The following TFDP1 variants were observed in gnomAD, a reference collection of about 807,000 sequenced individuals.
The protein encoded by TFDP1 is DRTF1-polypeptide 1.
In TFDP1, 6 loss-of-function variants were observed where a neutral mutation model predicts 48.0. The observed-to-expected ratio is 0.13, with a 90% CI of 0.07 to 0.25. The LOEUF (loss-of-function observed/expected upper bound fraction) is 0.25, where lower values mean the gene tolerates loss of function less well. Among genes scored for constraint, TFDP1 ranks in the 10% least tolerant of loss-of-function variants. The probability of loss-of-function intolerance (pLI) is 1.00; values close to 1 mark genes in which losing one functional copy is unlikely to be tolerated. For missense variants in TFDP1, 335 were observed against 543.0 expected, an observed-to-expected ratio of 0.62 and a Z score of 3.81; for synonymous variants, 201 against 211.6, an observed-to-expected ratio of 0.95 and a Z score of 0.44.
intron 10 of TFDP1, chr13:113,637,601 G>A (rs2049525649): frequency 6.5e-7 from 1 of 1,527,048 alleles, no homozygotes; most frequent in Non-Finnish European, 8.8e-7. Context: ...TTATTGCAAG[G>A]CTGTTCTTGC....
intron 4 of TFDP1, among the ~76,000 whole-genome samples, chr13:113,630,993 C>T (rs2049321462): frequency 6.6e-6 from 1 of 152,188 alleles, no homozygotes; most frequent in South Asian, 2.1e-4. Context: ...GCCCTCCCTC[C>T]TTGCCTGACG....
At chr13:113,626,956 T>G (rs916528974) in intron 4 of TFDP1, among the ~76,000 whole-genome samples, 1 of 152,250 alleles carries the variant, frequency 6.6e-6, no homozygotes, top group Non-Finnish European at 1.5e-5. Flanking sequence ...GATTATCTTA[T>G]TGATGTGCTT....
chr13:113,631,298 C>T (rs1356988966), intron 4 of TFDP1, among the ~76,000 whole-genome samples: 5 of 152,322 alleles, frequency 3.3e-5, no homozygotes, highest in South Asian at 2.1e-4. Context: ...TGACCGTTAG[C>T]GCCTTGTGTG....
intron 2 of TFDP1, among the ~76,000 whole-genome samples, chr13:113,608,135 T>TG (rs991531510): frequency 4.6e-5 from 7 of 152,134 alleles, no homozygotes; most frequent in African/African-American, 9.7e-5. Flanking sequence ...CCGCTCTTCC[T>TG]GGGGGTCTTC....
intron 2 of TFDP1, among the ~76,000 whole-genome samples, chr13:113,600,915 C>T (rs548831306): frequency 1.3e-5 from 2 of 149,896 alleles, no homozygotes; most frequent in East Asian, 4.0e-4. Flanking sequence ...AGAGAATCCT[C>T]GCACGTGGGG....
intron 4 of TFDP1, among the ~76,000 whole-genome samples, chr13:113,626,033 C>T (rs963983555): frequency 1.3e-5 from 2 of 149,250 alleles, no homozygotes; most frequent in Non-Finnish European, 3.0e-5. Context: ...TCAGGTGTCT[C>T]TCACGCGTCC....
At chr13:113,624,577 A>C (rs375514527) in intron 4 of TFDP1, among the ~76,000 whole-genome samples, 1 of 105,542 alleles carries the variant, frequency 9.5e-6, no homozygotes, top group Admixed American at 1.0e-4. Flanking sequence ...CTCTCAGGGT[A>C]TCTCTCACAT....
intron 2 of TFDP1, among the ~76,000 whole-genome samples, chr13:113,592,246 C>T (rs1222664740): frequency 1.3e-5 from 2 of 152,248 alleles, no homozygotes; most frequent in Non-Finnish European, 2.9e-5. Context: ...ACCTCTGTCT[C>T]CCGGGTTCAA....
At chr13:113,586,472 A>G (rs1296752396) in intron 2 of TFDP1, among the ~76,000 whole-genome samples, 4 of 152,186 alleles carry the variant, frequency 2.6e-5, no homozygotes, top group Admixed American at 6.5e-5. Flanking sequence ...AATTTAGTCT[A>G]TTTTATTGGT....
chr13:113,617,686 A>AGCC (rs2048897600), intron 3 of TFDP1, among the ~76,000 whole-genome samples: 2 of 135,990 alleles, frequency 1.5e-5, no homozygotes, highest in East Asian at 2.4e-4. Context: ...TCACCTGCAG[A>AGCC]GCTGCTCACC....
intron 9 of TFDP1, 111 bp downstream of exon 9, chr13:113,636,239 G>T: frequency 7.1e-7 from 1 of 1,414,088 alleles, no homozygotes; most frequent in Non-Finnish European, 9.7e-7. Flanking sequence ...AATAGCAAAT[G>T]TTGCACAAAT....
At chr13:113,619,339 C>CAGGT (rs1172995577) in intron 3 of TFDP1, among the ~76,000 whole-genome samples, 1 of 152,040 alleles carries the variant, frequency 6.6e-6, no homozygotes, top group Non-Finnish European at 1.5e-5. Flanking sequence ...AGTGTGGTGG[C>CAGGT]AGGTGCCTGT....
At chr13:113,586,822 G>T (rs1436602184) in intron 2 of TFDP1, among the ~76,000 whole-genome samples, 1 of 152,232 alleles carries the variant, frequency 6.6e-6, no homozygotes, top group Admixed American at 6.5e-5. Context: ...GAGAGGGTGT[G>T]TGAGCACCCA....
chr13:113,637,881 C>T lies in TFDP1; in HGVS notation c.1070C>T (p.Thr357Ile). 1 of 1,613,648 alleles carries T rather than the reference C, an allele frequency of 6.2e-7. No individual in the cohort carries two copies. Among genetic ancestry groups the T allele is most frequent in the Non-Finnish European group, 8.5e-7 (1 of 1,179,980 alleles). Residue 357 changes from threonine to isoleucine, a missense_variant, in exon 11 of 12, where the codon ACA becomes ATA. Around this residue, in one of 3 missense-constraint regions of TFDP1, gnomAD observed 204 missense variants for 287.1 expected, o/e 0.71. Transcript: ENST00000375370. The part of the protein sequence containing the change: ...ITTAGSTSNG[T>I]RFSASDLTNG... The stretch of plus-strand genomic sequence containing the variant: ...ACGGCAGGTTCCACGTCTAACGGCA[C>T]AAGGTTCTCTGCCAGGTGACAGTCG...
chr13:113,590,978 C>T (rs1421950081), intron 2 of TFDP1, among the ~76,000 whole-genome samples: 1 of 136,810 alleles, frequency 7.3e-6, no homozygotes, highest in Non-Finnish European at 1.5e-5. Flanking sequence ...CCACTGCACT[C>T]CAGCCTGGGC....
chr13:113,630,155 GCACACACACA>G (rs3076650), intron 4 of TFDP1, among the ~76,000 whole-genome samples: 2 of 149,110 alleles, frequency 1.3e-5, no homozygotes, highest in Non-Finnish European at 3.0e-5. Context: ...TGCCCCAGCA[GCACACACACA>G]CACACACACA....
At chr13:113,625,527 G>A (rs1235766547) in intron 4 of TFDP1, among the ~76,000 whole-genome samples, 1 of 90,228 alleles carries the variant, frequency 1.1e-5, no homozygotes, top group Non-Finnish European at 2.0e-5. Context: ...GTCCTCAGGT[G>A]TTTCTCAGGT....
chr13:113,622,923 G>T (rs901473975), intron 3 of TFDP1, among the ~76,000 whole-genome samples: 1 of 152,256 alleles, frequency 6.6e-6, no homozygotes, highest in Non-Finnish European at 1.5e-5. Flanking sequence ...AGACATCGCC[G>T]AGGGGCTGGA....
rs539133437 is a variant in TFDP1, at chr13:113,593,751, C to T, written c.12+7902C>T. On this transcript the variant is annotated intron_variant, in intron 2 of 11. Transcript: ENST00000375370. ...GCCCAGGTGATAGGTGTGGTGTGCG[C>T]GGGTCCTCAGCCGTGCCCAGGTGAC... Among the ~76,000 whole-genome samples the T allele has an allele frequency of 1.1e-4, 16 of 139,424 alleles. No individual in the cohort carries two copies. The South Asian group carries it at 3.1e-3, about 27-fold the overall frequency. 91.5% of individuals were successfully genotyped at this position (139,424 alleles called of 152,430 possible).
Sources: allele counts gnomAD v4.1 joint callset (sites outside exome capture counted in the v4.1 genomes callset), GRCh38; gene constraint gnomAD v4.1.1; regional missense constraint gnomAD v4.1.1; transcripts MANE v1.5; gene names NCBI Gene and HGNC (gene_info 2026-07-23, HGNC 2026-07-21).